Variants in CDC37 observed in about 807,000 individuals in gnomAD.
CDC37 encodes cell division cycle 37, HSP90 cochaperone.
In CDC37, 9 loss-of-function variants were observed where a neutral mutation model predicts 46.9. The ratio of observed to expected loss-of-function variants is 0.19; its 90% CI spans 0.12 to 0.33. CDC37 has a LOEUF of 0.33. Ranked by LOEUF, CDC37 falls within the 10% of genes least tolerant of loss-of-function variation. The pLI is 1.00. For missense variants in CDC37, 388 were observed against 514.6 expected (o/e 0.75, Z 2.38); for synonymous variants, 193 against 191.0 (o/e 1.01, Z -0.09).
At position 10,393,554 on chromosome 19, in the gene CDC37, T is replaced by C. The variant is rs28382791; in HGVS notation, c.727-113A>G. On this transcript the variant is annotated intron_variant, in intron 5 of 7. Transcript: ENST00000222005. This position sits in a 1 kb window ranked among gnomAD's most constrained non-coding sequence, Gnocchi z 4.9. ...GAGGCGCCCCACGGTTCCCCAAGTC[T>C]ATTCCTGACCTACATGAAGGGCTCC... is the stretch of plus-strand genomic sequence containing the variant. 1 of 1,138,658 alleles carries C rather than the reference T, an allele frequency of 8.8e-7. No individual in the cohort carries two copies. Among genetic ancestry groups the C allele is most frequent in the Admixed American group, 2.6e-5 (1 of 37,786 alleles). 70.5% of individuals were successfully genotyped at this position (1,138,658 alleles called of 1,614,324 possible).
At chr19:10,395,802 C>T (rs1788456557) in intron 2 of CDC37, 126 bp downstream of exon 2, 2 of 894,772 alleles carry the variant, frequency 2.2e-6, no homozygotes, top group Admixed American at 2.7e-5. Context: ...AGCTCCCCGC[C>T]CCCCACCACA....
In CDC37 at chr19:10,393,785, C is replaced by T. The variant is rs183746303; in HGVS notation, c.727-344G>A. 3.3e-4 allele frequency: 80 copies of T among 239,784 alleles called. No homozygotes were observed. The highest frequency in any genetic ancestry group is 1.5e-3 in the African/African-American group (66 of 44,558). 14.9% of individuals were successfully genotyped at this position (239,784 alleles called of 1,614,324 possible). A position where few individuals can be genotyped will look rare whatever the true frequency, so the allele number is the denominator to read the frequency against. On this transcript the variant is annotated intron_variant, in intron 5 of 7. Transcript: ENST00000222005. The surrounding 1 kb of genome is among the most constrained non-coding windows in gnomAD (Gnocchi z 4.9). ...AAGGATAGCCCTGTTCCTCCAGGTA[C>T]GCAGGTTAAAAATCCTAGAGGCTAG...
rs1415016328 is a variant in CDC37 at position 10,396,440 on chromosome 19, T to C, written c.103-237A>G. On this transcript the variant is annotated intron_variant, in intron 1 of 7. Coordinates refer to ENST00000222005, the MANE Select transcript of CDC37 (RefSeq NM_007065.4). The surrounding 1 kb of genome is among the most constrained non-coding windows in gnomAD (Gnocchi z 5.9). ...CTCCCATCTCACAGCAGAACCCAAG[T>C]TGTCACCACAGCCTACATGGGCCCT... 6.6e-6 allele frequency among the ~76,000 whole-genome samples: 1 copy of C among 152,188 alleles called. No individual in the cohort carries two copies. Among genetic ancestry groups the C allele is most frequent in the Non-Finnish European group, 1.5e-5 (1 of 68,028 alleles).
intron 1 of CDC37, among the ~76,000 whole-genome samples, chr19:10,401,848 T>C (rs1199626595): frequency 2.6e-5 from 4 of 152,128 alleles, no homozygotes. Flanking sequence ...GAGAGGTATA[T>C]GCCCTTCGTT....
Position 10,396,491 on chromosome 19 carries a change from T to C in CDC37, c.103-288A>G, listed in dbSNP as rs1225587896. 1.3e-5 allele frequency among the ~76,000 whole-genome samples: 2 copies of C among 152,158 alleles called. No individual in the cohort carries two copies. The highest frequency in any genetic ancestry group is 2.9e-5 in the Non-Finnish European group (2 of 68,014). ...ACACAATCTGCCTCGGCACCTCCCCTGGTAACTCTTCCTTCCAGCTACACC... is the reference window on the plus strand; with the variant it reads ...ACACAATCTGCCTCGGCACCTCCCCCGGTAACTCTTCCTTCCAGCTACACC... On this transcript the variant is annotated intron_variant, in intron 1 of 7. Coordinates refer to ENST00000222005, the MANE Select transcript of CDC37 (RefSeq NM_007065.4). The surrounding 1 kb of genome is among the most constrained non-coding windows in gnomAD (Gnocchi z 5.9).
chr19:10,402,590 G>C (rs892428347), intron 1 of CDC37, among the ~76,000 whole-genome samples: 4 of 152,250 alleles, frequency 2.6e-5, no homozygotes, highest in African/African-American at 7.2e-5. Flanking sequence ...CAGGGGCTCT[G>C]GCTAGGCCGG....
rs140383314 is a variant in CDC37 at position 10,398,693 on chromosome 19, ATC to A, written c.103-2492_103-2491del. Among the ~76,000 whole-genome samples, 8 of 151,618 alleles carry A rather than the reference ATC, an allele frequency of 5.3e-5. No homozygotes were observed. The highest frequency in any genetic ancestry group is 1.4e-4 in the African/African-American group (6 of 41,422). On this transcript the variant is annotated intron_variant, in intron 1 of 7. Coordinates refer to ENST00000222005, the MANE Select transcript of CDC37 (RefSeq NM_007065.4). This position sits in a 1 kb window ranked among gnomAD's most constrained non-coding sequence, Gnocchi z 4.2. ...TCATTACCATCTGTGCAAGAGAACA[ATC>A]TCTCTCTCTCTCTGGGGACCACTCT...
Position 10,403,515 on chromosome 19 carries a change from G to A in CDC37, c.-36C>T, listed in dbSNP as rs1443140980. On this transcript the variant is annotated 5_prime_UTR_variant, in exon 1 of 8. Transcript: ENST00000222005. ...CGGCCCAGCCCGCTCCGGCTCGGGTGGCGGCGACGGCGGCAGCAGTGGAGA... is the reference window on the plus strand; with the variant it reads ...CGGCCCAGCCCGCTCCGGCTCGGGTAGCGGCGACGGCGGCAGCAGTGGAGA... The A allele has an allele frequency of 6.7e-7, 1 of 1,498,652 alleles. No homozygotes were observed. The highest frequency in any genetic ancestry group is 1.7e-5 in the Admixed American group (1 of 58,542). 92.8% of individuals were successfully genotyped at this position (1,498,652 alleles called of 1,614,324 possible). A position where few individuals can be genotyped will look rare whatever the true frequency, so the allele number is the denominator to read the frequency against.
Position 10,391,387 on chromosome 19 carries a change from G to C in CDC37, c.*164C>G, listed in dbSNP as rs1057487. 2.6e-6 allele frequency: 2 copies of C among 771,892 alleles called. No homozygotes were observed. The highest frequency in any genetic ancestry group is 3.5e-5 in the African/African-American group (2 of 57,236). The allele number at this position is 771,892 out of a possible 1,614,324, so 47.8% of individuals were successfully genotyped here. On this transcript the variant is annotated 3_prime_UTR_variant, in exon 8 of 8. Transcript: ENST00000222005. ...AGCAGAGACTTGAATGGGCGCTGGA[G>C]AGTGGAGACAGTGGAGAGGCCAGGG... is the stretch of plus-strand genomic sequence containing the variant.
chr19:10,400,183 G>C (rs1443950043), intron 1 of CDC37, among the ~76,000 whole-genome samples: 1 of 152,002 alleles, frequency 6.6e-6, no homozygotes, highest in African/African-American at 2.4e-5. Flanking sequence ...GTAGCAGGCT[G>C]GGCAGGGGAG....
At chr19:10,395,838 T>A in intron 2 of CDC37, 90 bp downstream of exon 2, 3 of 1,114,640 alleles carry the variant, frequency 2.7e-6, no homozygotes, top group Non-Finnish European at 3.7e-6. Context: ...ACCGGGGTCC[T>A]CCCCTGACCA....
intron 1 of CDC37, among the ~76,000 whole-genome samples, chr19:10,401,374 C>G (rs1468569262): frequency 6.6e-6 from 1 of 152,164 alleles, no homozygotes; most frequent in East Asian, 1.9e-4. Flanking sequence ...CACCGGGGTT[C>G]TCAGCGGCAG....
intron 1 of CDC37, among the ~76,000 whole-genome samples, chr19:10,401,543 G>A (rs2042518812): frequency 6.6e-6 from 1 of 152,170 alleles, no homozygotes; most frequent in South Asian, 2.1e-4. Flanking sequence ...ATAGTCTTTG[G>A]AGCTTTGAGG....
chr19:10,400,371 G>A (rs894895216), intron 1 of CDC37, among the ~76,000 whole-genome samples: 6 of 152,140 alleles, frequency 3.9e-5, no homozygotes, highest in Admixed American at 2.0e-4. Flanking sequence ...TCATTTGTCC[G>A]CTTCTGGAAA....
rs969051837 is a variant in CDC37 at position 10,398,049 on chromosome 19, CAAACCCTG to C, written c.103-1854_103-1847del. Among the ~76,000 whole-genome samples the C allele has an allele frequency of 9.2e-5, 14 of 152,306 alleles. No homozygotes were observed. The highest frequency in any genetic ancestry group is 8.5e-4 in the Admixed American group (13 of 15,290). ...GGCTGCTCTATCCAGAGCCACTAAT[CAAACCCTG>C]AAACCCTGAAACGTGCCACCACCTT... On this transcript the variant is annotated intron_variant, in intron 1 of 7. Coordinates refer to ENST00000222005, the MANE Select transcript of CDC37 (RefSeq NM_007065.4). This position sits in a 1 kb window ranked among gnomAD's most constrained non-coding sequence, Gnocchi z 4.2.
Position 10,396,077 on chromosome 19 carries a change from C to T in CDC37, c.229G>A (p.Gly77Ser). 8 of 1,614,040 alleles carry T rather than the reference C, an allele frequency of 5.0e-6. No individual in the cohort carries two copies. The highest frequency in any genetic ancestry group is 6.8e-6 in the Non-Finnish European group (8 of 1,179,960). ...KLKELEVAEG[G>S]KAELERLQAE... Reference sequence around the variant, plus strand: ...TGCAGGCGCTCCAGCTCTGCCTTGCCGCCCTCGGCCACCTCCAGCTCCTTC... The same window carrying T: ...TGCAGGCGCTCCAGCTCTGCCTTGCTGCCCTCGGCCACCTCCAGCTCCTTC... Residue 77 changes from glycine (G) to serine (S), a missense_variant, in exon 2 of 8, where the codon GGC becomes AGC. Around this residue, in one of 2 missense-constraint regions of CDC37, gnomAD observed 374 missense variants for 467.4 expected, o/e 0.80. Transcript: ENST00000222005. The surrounding 1 kb of genome is among the most constrained non-coding windows in gnomAD (Gnocchi z 5.9).
rs1054285326 is a variant in CDC37, at chr19:10,391,189, G to A, written c.*362C>T. ...TGCTGTTTGCCAAATAGAAGACACA[G>A]ACAGCAGACGAACAGTGAAAACAGA... On this transcript the variant is annotated 3_prime_UTR_variant, in exon 8 of 8. Coordinates refer to ENST00000222005, the MANE Select transcript of CDC37 (RefSeq NM_007065.4). 1 of 306,282 alleles carries A rather than the reference G, an allele frequency of 3.3e-6. No individual in the cohort carries two copies. The highest frequency in any genetic ancestry group is 6.3e-6 in the Non-Finnish European group (1 of 159,664). The allele number at this position is 306,282 out of a possible 1,614,324, so 19.0% of individuals were successfully genotyped here. A position where few individuals can be genotyped will look rare whatever the true frequency, so the allele number is the denominator to read the frequency against.
chr19:10,395,843 T>C (rs1010104743), intron 2 of CDC37, 85 bp downstream of exon 2: 1 of 946,218 alleles, frequency 1.1e-6, no homozygotes, highest in Non-Finnish European at 1.5e-6. Flanking sequence ...GGTCCTCCCC[T>C]GACCAGGCAT....
In CDC37 at chr19:10,393,232, C is replaced by T. The variant is rs779989898; in HGVS notation, c.909+27G>A. On this transcript the variant is annotated intron_variant, in intron 6 of 7. Coordinates refer to ENST00000222005, the MANE Select transcript of CDC37 (RefSeq NM_007065.4). This position sits in a 1 kb window ranked among gnomAD's most constrained non-coding sequence, Gnocchi z 4.9. ...GGGGGTCCCGCTCAGGGTCTTCCTG[C>T]TGCCCGCCTGGGCCGGGGAGCCCCA... is the stretch of plus-strand genomic sequence containing the variant. 9.3e-6 allele frequency: 15 copies of T among 1,612,620 alleles called. No individual in the cohort carries two copies. Among genetic ancestry groups the T allele is most frequent in the Non-Finnish European group, 1.2e-5 (14 of 1,179,222 alleles).
Sources: allele counts gnomAD v4.1 joint callset (sites outside exome capture counted in the v4.1 genomes callset), GRCh38; gene constraint gnomAD v4.1.1; regional missense constraint gnomAD v4.1.1; non-coding constraint Gnocchi (gnomAD v3.1); transcripts MANE v1.5; gene names NCBI Gene and HGNC (gene_info 2026-07-23, HGNC 2026-07-21).